Variants in TMC1 observed in about 807,000 individuals in gnomAD.
TMC1 encodes the protein transmembrane channel-like protein 1.
TMC1 carries 84 observed loss-of-function variants against 105.8 expected under a neutral mutation model. The observed-to-expected ratio is 0.79, with a 90% CI of 0.67 to 0.95. TMC1 has a LOEUF of 0.95. TMC1 is among the 40% of genes least tolerant of loss of function. TMC1 has a pLI of 0.00. For synonymous variants in TMC1, 315 were observed against 311.5 expected (o/e 1.01, Z -0.12); for missense variants, 817 against 914.1 (o/e 0.89, Z 1.37).
At chr9:72,528,143 T>C (rs779178835) in intron 1 of TMC1, among the ~76,000 whole-genome samples, 1 of 152,114 alleles carries the variant, frequency 6.6e-6, no homozygotes, top group Admixed American at 6.6e-5. Flanking sequence ...ATGGGATTAC[T>C]GTTCTTATAA....
intron 5 of TMC1, among the ~76,000 whole-genome samples, 199 bp downstream of exon 5, chr9:72,648,863 C>T (rs1306375346): frequency 6.6e-6 from 1 of 152,134 alleles, no homozygotes; most frequent in Non-Finnish European, 1.5e-5. Flanking sequence ...ACCTTCTTCT[C>T]TTTTATGGAT....
chr9:72,558,144 C>T (rs1031016332), intron 1 of TMC1, among the ~76,000 whole-genome samples: 6 of 150,878 alleles, frequency 4.0e-5, no homozygotes, highest in African/African-American at 1.2e-4. Flanking sequence ...GTGAACATTT[C>T]TCTCTCTCTC....
At chr9:72,583,085 G>C (rs1002348119) in intron 2 of TMC1, among the ~76,000 whole-genome samples, 4 of 152,088 alleles carry the variant, frequency 2.6e-5, no homozygotes, top group Non-Finnish European at 5.9e-5. Flanking sequence ...TAGCTGGATT[G>C]GTGGTGTGTG....
At chr9:72,804,896 GTTC>G (rs1283311279) in intron 17 of TMC1, among the ~76,000 whole-genome samples, 1 of 152,162 alleles carries the variant, frequency 6.6e-6, no homozygotes, top group Non-Finnish European at 1.5e-5. Context: ...GTTTGTATAT[GTTC>G]TTCTGTGAAT....
At position 72,638,117 on chromosome 9, in the gene TMC1, T is replaced by C. The variant is rs543231240; in HGVS notation, c.-53+10054T>C. Among the ~76,000 whole-genome samples, 5 of 152,132 alleles carry C rather than the reference T, an allele frequency of 3.3e-5. No homozygotes were observed. The East Asian group carries it at 9.7e-4, about 29-fold the overall frequency. On this transcript the variant is annotated intron_variant, in intron 4 of 23. Coordinates refer to ENST00000297784, the MANE Select transcript of TMC1 (RefSeq NM_138691.3). ...ATCTGCTCAAAGACAACTTAGAAGG[T>C]CCTATCCTGGTCTCCTGTCTGAAAC...
intron 2 of TMC1, among the ~76,000 whole-genome samples, chr9:72,609,727 T>C (rs2132118852): frequency 6.6e-6 from 1 of 152,360 alleles, no homozygotes; most frequent in South Asian, 2.1e-4. Context: ...TAGCTGTTGC[T>C]CTTCTTCAAC....
chr9:72,733,617 C>A (rs1442310961), intron 8 of TMC1, among the ~76,000 whole-genome samples: 10 of 152,112 alleles, frequency 6.6e-5, no homozygotes, highest in Non-Finnish European at 1.3e-4. Context: ...TTCCTAAAAC[C>A]AAGGATACTA....
chr9:72,767,956 T>A (rs1827865285), intron 12 of TMC1, among the ~76,000 whole-genome samples: 1 of 152,174 alleles, frequency 6.6e-6, no homozygotes, highest in African/African-American at 2.4e-5. Context: ...GCGTTCTCCT[T>A]CTAAGCCCTT....
chr9:72,807,239 C>T lies in TMC1; in HGVS notation c.1695+1729C>T, dbSNP rs978747894. Among the ~76,000 whole-genome samples, 6 of 151,992 alleles carry T rather than the reference C, an allele frequency of 3.9e-5. No homozygotes were observed. In the East Asian group the frequency reaches 5.8e-4, roughly 15 times the overall value. Reference sequence around the variant, plus strand: ...CTTCGGCTCAGCATGAGAGGGAGACCGTGGAAAGAGAGGGAGAGGGAGACC... The same window carrying T: ...CTTCGGCTCAGCATGAGAGGGAGACTGTGGAAAGAGAGGGAGAGGGAGACC... On this transcript the variant is annotated intron_variant, in intron 18 of 23. Coordinates refer to ENST00000297784, the MANE Select transcript of TMC1 (RefSeq NM_138691.3).
chr9:72,725,374 T>TATATAC (rs1564515715), intron 8 of TMC1, among the ~76,000 whole-genome samples: 1 of 137,442 alleles, frequency 7.3e-6, no homozygotes. Flanking sequence ...TATATGTATA[T>TATATAC]ACACACACAC....
At chr9:72,801,400 C>T (rs553539057) in intron 17 of TMC1, among the ~76,000 whole-genome samples, 8 of 152,142 alleles carry the variant, frequency 5.3e-5, no homozygotes, top group Non-Finnish European at 1.0e-4. Context: ...AAGACTGAGA[C>T]TTAGGTAATT....
rs1478590012 is a variant in TMC1 at position 72,805,499 on chromosome 9, G to C, written c.1684G>C (p.Glu562Gln). 1.2e-6 allele frequency: 2 copies of C among 1,612,442 alleles called. No individual in the cohort carries two copies. The highest frequency in any genetic ancestry group is 2.7e-5 in the African/African-American group (2 of 74,654). The change falls in exon 18 of 24, where the codon GAG becomes CAG. Residue 562 changes from glutamate to glutamine, a missense_variant. Physicochemically the swap from Glu to Gln is conservative, Grantham distance 29 (BLOSUM62 2). Coordinates refer to ENST00000297784, the MANE Select transcript of TMC1 (RefSeq NM_138691.3). ...FCNYCWCWDL[E>Q]YGYPSYTEFD... ...CAATTATTGCTGGTGCTGGGACTTGGAGTATGGATATGTAAGTATGATGTT... is the reference window on the plus strand; with the variant it reads ...CAATTATTGCTGGTGCTGGGACTTGCAGTATGGATATGTAAGTATGATGTT...
At chr9:72,614,100 C>A (rs1825081714) in intron 2 of TMC1, among the ~76,000 whole-genome samples, 1 of 152,178 alleles carries the variant, frequency 6.6e-6, no homozygotes, top group Non-Finnish European at 1.5e-5. Context: ...CGTTGGTATT[C>A]TTGAACTGAA....
At chr9:72,699,327 C>T (rs1826603571) in intron 7 of TMC1, among the ~76,000 whole-genome samples, 1 of 152,084 alleles carries the variant, frequency 6.6e-6, no homozygotes, top group African/African-American at 2.4e-5. Context: ...GATTCACTTC[C>T]ACCAAATATA....
intron 2 of TMC1, among the ~76,000 whole-genome samples, chr9:72,593,155 C>T (rs538938363): frequency 6.6e-6 from 1 of 152,100 alleles, no homozygotes; most frequent in South Asian, 2.1e-4. Flanking sequence ...CTTCAAGTCA[C>T]TGTAATTAAG....
intron 8 of TMC1, among the ~76,000 whole-genome samples, chr9:72,720,330 C>G (rs562484039): frequency 5.3e-5 from 8 of 152,286 alleles, no homozygotes; most frequent in African/African-American, 1.9e-4. Flanking sequence ...ATGCTCAAAT[C>G]ACATGGCTTA....
rs1051048429 is a variant in TMC1, at chr9:72,726,148, T to A, written c.363-13971T>A. Reference sequence around the variant, plus strand: ...AAGGGGAATAGTTTTACATTTCAAATATAAGGGGTCCAAGATTCCCTTTTA... The same window carrying A: ...AAGGGGAATAGTTTTACATTTCAAAAATAAGGGGTCCAAGATTCCCTTTTA... On this transcript the variant is annotated intron_variant, in intron 8 of 23. Coordinates refer to ENST00000297784, the MANE Select transcript of TMC1 (RefSeq NM_138691.3). Among the ~76,000 whole-genome samples, 3 of 152,170 alleles carry A rather than the reference T, an allele frequency of 2.0e-5. 1 individual carries two copies. Among genetic ancestry groups the A allele is most frequent in the Non-Finnish European group, 4.4e-5 (3 of 68,028 alleles).
chr9:72,813,557 A>C (rs998437775), intron 18 of TMC1, among the ~76,000 whole-genome samples: 7 of 152,218 alleles, frequency 4.6e-5, no homozygotes, highest in Non-Finnish European at 8.8e-5. Context: ...CTAGATAGTA[A>C]GTATTTTAGC....
At position 72,650,570 on chromosome 9, in the gene TMC1, G is replaced by T. The variant is rs184665955; in HGVS notation, c.16+1906G>T. On this transcript the variant is annotated intron_variant, in intron 5 of 23. Coordinates refer to ENST00000297784, the MANE Select transcript of TMC1 (RefSeq NM_138691.3). ...ACATAGGTAAACATGTGTCACAGGG[G>T]TTTGTTGTGCATATTATTTCACACC... Among the ~76,000 whole-genome samples the T allele has an allele frequency of 2.2e-4, 34 of 151,976 alleles. No individual in the cohort carries two copies. The East Asian group carries it at 4.4e-3, about 20-fold the overall frequency.
Sources: allele counts gnomAD v4.1 joint callset (sites outside exome capture counted in the v4.1 genomes callset), GRCh38; gene constraint gnomAD v4.1.1; transcripts MANE v1.5; gene names NCBI Gene and HGNC (gene_info 2026-07-23, HGNC 2026-07-21).